The following MARCHF10 variants were observed in gnomAD, a reference collection of about 807,000 sequenced individuals.
MARCHF10 encodes the protein membrane associated ring-CH-type finger 10.
MARCHF10 carries 64 observed loss-of-function variants against 76.2 expected under a neutral mutation model. That is an observed-to-expected ratio of 0.84 (90% CI 0.69 to 1.03). MARCHF10 has a LOEUF of 1.03. Ranked by LOEUF, MARCHF10 falls within the 50% of genes least tolerant of loss-of-function variation. MARCHF10 has a pLI of 0.00. For missense variants in MARCHF10, 875 were observed against 958.0 expected (o/e 0.91, Z 1.14); for synonymous variants, 340 against 357.5 (o/e 0.95, Z 0.55).
chr17:62,771,136 G>A (rs1290480796), intron 3 of MARCHF10, among the ~76,000 whole-genome samples: 1 of 151,972 alleles, frequency 6.6e-6, no homozygotes, highest in Admixed American at 6.6e-5. Context: ...ACACCTATGT[G>A]GCTGTAGATC....
At chr17:62,781,639 T>C (rs1212551412) in intron 3 of MARCHF10, among the ~76,000 whole-genome samples, 2 of 152,116 alleles carry the variant, frequency 1.3e-5, no homozygotes, top group Admixed American at 1.3e-4. Flanking sequence ...GGTGAGGAGG[T>C]TATGCCAGGA....
intron 2 of MARCHF10, among the ~76,000 whole-genome samples, chr17:62,801,194 T>G (rs2093066218): frequency 6.6e-6 from 1 of 152,210 alleles, no homozygotes; most frequent in South Asian, 2.1e-4. Context: ...AGTCTCGCTG[T>G]GTTGCCCAGG....
chr17:62,724,504 T>C (rs2090655621), intron 7 of MARCHF10, among the ~76,000 whole-genome samples: 1 of 152,142 alleles, frequency 6.6e-6, no homozygotes, highest in Non-Finnish European at 1.5e-5. Flanking sequence ...ATGTGTGTGC[T>C]GGGGGTCTCT....
intron 1 of MARCHF10, among the ~76,000 whole-genome samples, chr17:62,802,461 T>G (rs2093090731): frequency 6.6e-6 from 1 of 152,078 alleles, no homozygotes; most frequent in Non-Finnish European, 1.5e-5. Flanking sequence ...CTCAGGTGAT[T>G]CACTCGCCTC....
chr17:62,773,034 C>T (rs913917847), intron 3 of MARCHF10, among the ~76,000 whole-genome samples: 5 of 152,134 alleles, frequency 3.3e-5, no homozygotes, highest in African/African-American at 1.2e-4. Context: ...AAATATTACT[C>T]TGAGAAGGGG....
chr17:62,736,699 C>T lies in MARCHF10; in HGVS notation c.1169G>A (p.Arg390Lys), dbSNP rs1244049309. The T allele has an allele frequency of 2.5e-6, 4 of 1,614,058 alleles. No individual in the cohort carries two copies. The highest frequency in any genetic ancestry group is 2.7e-5 in the African/African-American group (2 of 74,918). The change falls in exon 6 of 11, where the codon AGA (arginine) becomes AAA (lysine). Residue 390 changes from arginine to lysine, a missense_variant. Coordinates refer to ENST00000311269, the MANE Select transcript of MARCHF10 (RefSeq NM_152598.4). ...PDRESATEKD[R>K]GGSENAKKSP... Reference sequence around the variant, plus strand: ...CTTTTTCGCATTTTCACTGCCACCTCTGTCCTTCTCTGTAGCAGATTCCCT... The same window carrying T: ...CTTTTTCGCATTTTCACTGCCACCTTTGTCCTTCTCTGTAGCAGATTCCCT...
At chr17:62,805,158 C>T (rs983470634) in intron 1 of MARCHF10, 9 of 152,128 alleles carry the variant, frequency 5.9e-5, no homozygotes, top group African/African-American at 2.2e-4. Context: ...ATGTGTATTT[C>T]CAGTCTACAC....
chr17:62,755,924 G>T lies in MARCHF10; in HGVS notation c.382+3911C>A, dbSNP rs183833854. Among the ~76,000 whole-genome samples the T allele has an allele frequency of 2.5e-3, 372 of 151,232 alleles. 1 individual carries two copies. Among genetic ancestry groups the T allele is most frequent in the Non-Finnish European group, 3.8e-3 (258 of 67,784 alleles). On this transcript the variant is annotated intron_variant, in intron 4 of 10. Coordinates refer to ENST00000311269, the MANE Select transcript of MARCHF10 (RefSeq NM_152598.4). ...AGCCCAGGAGTTCAAGACCAGCCTG[G>T]GCAACAAAGCAAGACCTCGTCTCCA... is the stretch of plus-strand genomic sequence containing the variant.
At chr17:62,714,345 G>C in intron 8 of MARCHF10, 1 of 967,886 alleles carries the variant, frequency 1.0e-6, no homozygotes, top group South Asian at 4.8e-5. Context: ...ATTTGTAATG[G>C]AAGGGAAGTA....
chr17:62,746,418 T>G (rs1002992615), intron 4 of MARCHF10, among the ~76,000 whole-genome samples: 1 of 150,594 alleles, frequency 6.6e-6, no homozygotes, highest in East Asian at 2.0e-4. Flanking sequence ...ATTTTGCTGA[T>G]CAAAAAGGGG....
chr17:62,769,487 G>C lies in MARCHF10; in HGVS notation c.211-9481C>G, dbSNP rs148984548. 6.4e-3 allele frequency among the ~76,000 whole-genome samples: 974 copies of C among 152,206 alleles called. 20 individuals are homozygous for C. Among genetic ancestry groups the C allele is most frequent in the African/African-American group, 0.022 (926 of 41,538 alleles). The stretch of plus-strand genomic sequence containing the variant: ...GGCTGAAGTGCAGTGGCGTGATCTC[G>C]GCTTACTGTAACCTCCGCCCTGCAG... On this transcript the variant is annotated intron_variant, in intron 3 of 10. Transcript: ENST00000311269.
chr17:62,757,806 C>T (rs899389382), intron 4 of MARCHF10, among the ~76,000 whole-genome samples: 1 of 152,232 alleles, frequency 6.6e-6, no homozygotes, highest in Non-Finnish European at 1.5e-5. Context: ...AGATATCTTT[C>T]TGCCAACTTG....
Position 62,701,402 on chromosome 17 carries a change from G to T in MARCHF10, c.*301C>A. 1 of 490,812 alleles carries T rather than the reference G, an allele frequency of 2.0e-6. No individual in the cohort carries two copies. Among genetic ancestry groups the T allele is most frequent in the Non-Finnish European group, 3.6e-6 (1 of 277,292 alleles). The allele number at this position is 490,812 out of a possible 1,614,324, so 30.4% of individuals were successfully genotyped here. A position where few individuals can be genotyped will look rare whatever the true frequency, so the allele number is the denominator to read the frequency against. On this transcript the variant is annotated 3_prime_UTR_variant, in exon 11 of 11. Coordinates refer to ENST00000311269, the MANE Select transcript of MARCHF10 (RefSeq NM_152598.4). ...GCCTGGCAGGTGCCCTCAGCAGTGG[G>T]ACCCCAGGCCACTGGACCTGGCAGG...
chr17:62,710,212 C>G (rs2089840170), intron 9 of MARCHF10, among the ~76,000 whole-genome samples: 1 of 152,080 alleles, frequency 6.6e-6, no homozygotes, highest in Non-Finnish European at 1.5e-5. Context: ...CTGTATCAAC[C>G]CCGGATGCTT....
At chr17:62,725,402 T>A (rs745593700) in intron 6 of MARCHF10, among the ~76,000 whole-genome samples, 2 of 152,160 alleles carry the variant, frequency 1.3e-5, no homozygotes, top group Non-Finnish European at 2.9e-5. Flanking sequence ...GTAGCTGGAT[T>A]ACAGGTGCAT....
At chr17:62,714,975 G>A (rs1045301606) in intron 8 of MARCHF10, among the ~76,000 whole-genome samples, 1 of 152,136 alleles carries the variant, frequency 6.6e-6, no homozygotes, top group Non-Finnish European at 1.5e-5. Context: ...TCCAACTCCT[G>A]ACCTCAAATG....
chr17:62,805,488 G>A (rs1003288715), intron 1 of MARCHF10, among the ~76,000 whole-genome samples: 33 of 152,284 alleles, frequency 2.2e-4, no homozygotes, highest in African/African-American at 7.9e-4. Flanking sequence ...AATATAGAAA[G>A]CCGGTTAATC....
At chr17:62,786,310 C>G (rs895342447) in intron 3 of MARCHF10, among the ~76,000 whole-genome samples, 1 of 148,586 alleles carries the variant, frequency 6.7e-6, no homozygotes, top group African/African-American at 2.5e-5. Context: ...CATGTTCTCA[C>G]TCATAGGTGG....
intron 1 of MARCHF10, among the ~76,000 whole-genome samples, chr17:62,802,927 T>C (rs2093100509): frequency 6.6e-6 from 1 of 152,174 alleles, no homozygotes; most frequent in Non-Finnish European, 1.5e-5. Context: ...GTCTGGGAAG[T>C]AAATGATTAG....
Sources: allele counts gnomAD v4.1 joint callset (sites outside exome capture counted in the v4.1 genomes callset), GRCh38; gene constraint gnomAD v4.1.1; transcripts MANE v1.5; gene names NCBI Gene and HGNC (gene_info 2026-07-23, HGNC 2026-07-21).